Variants in SULT6B1 observed in about 807,000 individuals in gnomAD.
SULT6B1 encodes sulfotransferase 6B1.
Under a neutral mutation model 37.2 loss-of-function variants are expected in SULT6B1, and 44 were observed. That is an observed-to-expected ratio of 1.18 (90% confidence interval 0.93 to 1.52). The LOEUF is 1.52. Ranked by LOEUF, SULT6B1 falls within the 40% of genes most tolerant of loss-of-function variation. The pLI is 0.00. For missense variants in SULT6B1, 450 were observed against 361.0 expected (o/e 1.25, Z -2.00); for synonymous variants, 140 against 126.0 (o/e 1.11, Z -0.74).
upstream of SULT6B1, among the ~76,000 whole-genome samples, chr2:37,189,274 G>A (rs142713919): frequency 4.9e-3 from 745 of 152,310 alleles, 10 homozygotes; most frequent in African/African-American, 0.017. Context: ...AAATGTATCT[G>A]AGTTACCCCA....
chr2:37,183,493 G>C lies in SULT6B1; in HGVS notation c.334C>G (p.Pro112Ala), dbSNP rs1183806333. The C allele has an allele frequency of 6.2e-7, 1 of 1,614,024 alleles. No individual in the cohort carries two copies. Among genetic ancestry groups the C allele is most frequent in the Non-Finnish European group, 8.5e-7 (1 of 1,179,904 alleles). The change falls in exon 3 of 7, where the codon CCA (proline) becomes GCA (alanine). Residue 112 changes from proline to alanine, a missense_variant. Coordinates refer to ENST00000535679, the MANE Select transcript of SULT6B1 (RefSeq NM_001367551.1). ...TGGAGGTGAGTTGCCAAAATCCTTGGTGATGGAAAGCCTTTCATTCTCTTA... is the reference window on the plus strand; with the variant it reads ...TGGAGGTGAGTTGCCAAAATCCTTGCTGATGGAAAGCCTTTCATTCTCTTA... The part of the protein sequence containing the change: ...KYQRMKGFPS[P>A]RILATHLHYD...
At chr2:37,169,447 C>A (rs1199395104) in intron 6 of SULT6B1, among the ~76,000 whole-genome samples, 1 of 151,978 alleles carries the variant, frequency 6.6e-6, no homozygotes, top group African/African-American at 2.4e-5. Context: ...AAATTAAGAA[C>A]TTCAGTGGGT....
chr2:37,193,573 AAAGAAG>A (rs1260602107), upstream of SULT6B1, among the ~76,000 whole-genome samples: 2 of 129,656 alleles, frequency 1.5e-5, no homozygotes, highest in African/African-American at 2.8e-5. Flanking sequence ...ACCAAAAAAA[AAAGAAG>A]AAAAAGAAGA....
At chr2:37,187,285 A>G in intron 2 of SULT6B1, 70 bp downstream of exon 2, 1 of 1,061,764 alleles carries the variant, frequency 9.4e-7, no homozygotes, top group Non-Finnish European at 1.4e-6. Context: ...CTGAAAACTA[A>G]AGAATCTCCA....
At chr2:37,186,310 G>T (rs1021062266) in intron 2 of SULT6B1, among the ~76,000 whole-genome samples, 2 of 152,150 alleles carry the variant, frequency 1.3e-5, no homozygotes, top group African/African-American at 4.8e-5. Flanking sequence ...CTGCATTCTG[G>T]TGTGTCTAGG....
chr2:37,186,242 C>G (rs941700773), intron 2 of SULT6B1, among the ~76,000 whole-genome samples: 1 of 152,146 alleles, frequency 6.6e-6, no homozygotes, highest in African/African-American at 2.4e-5. Context: ...GTGGTGAACA[C>G]TGCTGAAAGT....
At chr2:37,181,711 T>C (rs1676554534) in intron 3 of SULT6B1, among the ~76,000 whole-genome samples, 1 of 152,102 alleles carries the variant, frequency 6.6e-6, no homozygotes, top group South Asian at 2.1e-4. Context: ...CCTTATATTC[T>C]TACAAATGTG....
upstream of SULT6B1, among the ~76,000 whole-genome samples, chr2:37,193,004 G>A (rs1401855249): frequency 1.3e-5 from 2 of 152,148 alleles, no homozygotes; most frequent in African/African-American, 4.8e-5. Flanking sequence ...ACTGTCATAC[G>A]TATGAGTCCA....
rs1010400907 is a variant in SULT6B1 at position 37,194,351 on chromosome 2, G to T, written c.-22+2165C>A. 5.8e-5 allele frequency: 18 copies of T among 311,350 alleles called. No homozygotes were observed. The East Asian group carries it at 1.1e-3, about 18-fold the overall frequency. The allele number at this position is 311,350 out of a possible 1,614,324, so 19.3% of individuals were successfully genotyped here. On this transcript the variant is annotated intron_variant, in intron 1 of 7. Transcript: ENST00000407963. ...CATCTTGGCCTCCCAAAGTGCTGGG[G>T]TTACAGGCATGAGCCACCGTGCCTG...
At chr2:37,188,230 G>C (rs1171495104) in intron 1 of SULT6B1, among the ~76,000 whole-genome samples, 1 of 151,998 alleles carries the variant, frequency 6.6e-6, no homozygotes, top group Non-Finnish European at 1.5e-5. Flanking sequence ...TTTCCGCACA[G>C]AGCTCTTCCT....
upstream of SULT6B1, among the ~76,000 whole-genome samples, chr2:37,190,243 T>G (rs1231820327): frequency 3.3e-5 from 5 of 152,210 alleles, no homozygotes; most frequent in Non-Finnish European, 5.9e-5. Context: ...GTATATTTCT[T>G]CTTATTTCTC....
chr2:37,171,693 G>C (rs1676307280), intron 5 of SULT6B1, 103 bp from the exon 6 acceptor site: 3 of 1,009,722 alleles, frequency 3.0e-6, no homozygotes, highest in South Asian at 3.5e-5. Flanking sequence ...TAACTCCCTA[G>C]TTCATCTCAT....
chr2:37,190,767 G>C (rs1009379606), upstream of SULT6B1, among the ~76,000 whole-genome samples: 4 of 152,140 alleles, frequency 2.6e-5, no homozygotes, highest in African/African-American at 9.7e-5. Flanking sequence ...TGCAGGGTCT[G>C]TATGTCTTGT....
At chr2:37,183,869 C>A (rs551403395) in intron 2 of SULT6B1, among the ~76,000 whole-genome samples, 1 of 152,262 alleles carries the variant, frequency 6.6e-6, no homozygotes, top group South Asian at 2.1e-4. Context: ...GTCTGAAACT[C>A]CTGACCTCAG....
upstream of SULT6B1, among the ~76,000 whole-genome samples, chr2:37,193,222 G>A (rs1400038412): frequency 4.0e-5 from 6 of 151,446 alleles, no homozygotes; most frequent in African/African-American, 9.7e-5. Flanking sequence ...TTGGGAGGCT[G>A]AGGCAGGCGG....
At chr2:37,196,078 A>AG (rs1243797697) in intron 1 of SULT6B1, 2 of 152,040 alleles carry the variant, frequency 1.3e-5, no homozygotes, top group Non-Finnish European at 2.9e-5. Context: ...CCTCCCATCT[A>AG]GGCCTCCCAA....
intron 3 of SULT6B1, among the ~76,000 whole-genome samples, chr2:37,180,675 G>T (rs1335319886): frequency 6.6e-6 from 1 of 152,182 alleles, no homozygotes; most frequent in Non-Finnish European, 1.5e-5. Flanking sequence ...CTTGAGATCA[G>T]GAGTTCGAGA....
chr2:37,185,194 G>T (rs903635099), intron 2 of SULT6B1, among the ~76,000 whole-genome samples: 1 of 152,098 alleles, frequency 6.6e-6, no homozygotes, highest in African/African-American at 2.4e-5. Flanking sequence ...AAATGGTAAG[G>T]TTACTAAAAG....
chr2:37,194,212 C>A (rs189385820), intron 1 of SULT6B1, among the ~76,000 whole-genome samples: 1 of 150,952 alleles, frequency 6.6e-6, no homozygotes, highest in Non-Finnish European at 1.5e-5. Context: ...CTTTTTCTGT[C>A]ACCTAGGGTG....
Sources: gnomAD v4.1 joint callset for allele counts (sites outside exome capture counted in the v4.1 genomes callset) on GRCh38, gnomAD v4.1.1 for gene constraint, MANE v1.5 for transcripts, NCBI Gene and HGNC (gene_info 2026-07-23, HGNC 2026-07-21) for gene names.